Variants in SMYD3 observed in about 807,000 individuals in gnomAD.
SMYD3 encodes histone-lysine N-methyltransferase SMYD3.
SMYD3 carries 36 observed loss-of-function variants against 57.7 expected under a neutral mutation model. That is an observed-to-expected ratio of 0.62 (90% CI 0.48 to 0.82). SMYD3 has a LOEUF of 0.82. Among genes scored for constraint, SMYD3 ranks in the 40% least tolerant of loss-of-function variants. The pLI is 0.00. For missense variants in SMYD3, 515 were observed against 538.8 expected (o/e 0.96, Z 0.44); for synonymous variants, 211 against 195.0 (o/e 1.08, Z -0.68).
intron 5 of SMYD3, among the ~76,000 whole-genome samples, chr1:246,039,147 T>G (rs2059826460): frequency 6.6e-6 from 1 of 152,154 alleles, no homozygotes; most frequent in African/African-American, 2.4e-5. Context: ...CAGCATGGAT[T>G]TGCATCCTAA....
At position 245,951,486 on chromosome 1, in the gene SMYD3, G is replaced by A. The variant is rs369738748; in HGVS notation, c.532-21549C>T. On this transcript the variant is annotated intron_variant, in intron 5 of 11. Transcript: ENST00000490107. ...CGGGAGGCTGAGGCAGGAGAATGGC[G>A]TGAACCCGGGAGGCAGAGCTTGCAG... is the stretch of plus-strand genomic sequence containing the variant. Among the ~76,000 whole-genome samples, 40 of 136,600 alleles carry A rather than the reference G, an allele frequency of 2.9e-4. 3 individuals are homozygous for A. The highest frequency in any genetic ancestry group is 8.7e-4 in the African/African-American group (29 of 33,394). 89.6% of individuals were successfully genotyped at this position (136,600 alleles called of 152,430 possible). A position where few individuals can be genotyped will look rare whatever the true frequency, so the allele number is the denominator to read the frequency against.
At chr1:246,422,575 C>T (rs2067159478) in intron 1 of SMYD3, among the ~76,000 whole-genome samples, 1 of 152,122 alleles carries the variant, frequency 6.6e-6, no homozygotes, top group Non-Finnish European at 1.5e-5. Flanking sequence ...CCAGAGCCCA[C>T]CACGCCCAGC....
intron 5 of SMYD3, among the ~76,000 whole-genome samples, chr1:246,257,028 T>C (rs557150572): frequency 6.6e-5 from 10 of 152,326 alleles, no homozygotes; most frequent in Admixed American, 5.9e-4. Flanking sequence ...TAGAATATGG[T>C]TGCTATGATT....
At chr1:246,443,674 G>T (rs2067504256) in intron 1 of SMYD3, among the ~76,000 whole-genome samples, 2 of 152,150 alleles carry the variant, frequency 1.3e-5, no homozygotes, top group African/African-American at 4.8e-5. Flanking sequence ...TTTCCTAAAA[G>T]AATTTTGAAA....
At chr1:246,424,832 C>G (rs965401919) in intron 1 of SMYD3, among the ~76,000 whole-genome samples, 1 of 152,060 alleles carries the variant, frequency 6.6e-6, no homozygotes, top group Non-Finnish European at 1.5e-5. Flanking sequence ...GTTCATGGAA[C>G]CATTATGTTT....
intron 10 of SMYD3, among the ~76,000 whole-genome samples, chr1:245,818,566 G>A (rs942394324): frequency 1.3e-5 from 2 of 151,938 alleles, no homozygotes; most frequent in African/African-American, 4.8e-5. Context: ...AACGTAAATG[G>A]ACTAAATGCT....
At chr1:246,128,538 C>A (rs1167992670) in intron 5 of SMYD3, among the ~76,000 whole-genome samples, 1 of 152,076 alleles carries the variant, frequency 6.6e-6, no homozygotes, top group Non-Finnish European at 1.5e-5. Flanking sequence ...ATTATAAAAG[C>A]CTGCAAGGTA....
chr1:246,404,997 G>A lies in SMYD3; in HGVS notation c.165-49903C>T, dbSNP rs151159492. Among the ~76,000 whole-genome samples, 308 of 152,174 alleles carry A rather than the reference G, an allele frequency of 2.0e-3. 1 individual carries two copies. The highest frequency in any genetic ancestry group is 7.1e-3 in the African/African-American group (293 of 41,512). ...GACGGGATCTTACTTTGTCACTCAG[G>A]CTGAAGTGCAATAGTGCAATCACGG... On this transcript the variant is annotated intron_variant, in intron 1 of 11. Transcript: ENST00000490107.
At chr1:246,126,889 CTA>C (rs1264292192) in intron 5 of SMYD3, among the ~76,000 whole-genome samples, 3 of 152,110 alleles carry the variant, frequency 2.0e-5, no homozygotes, top group Admixed American at 6.6e-5. Context: ...AATTGTAACA[CTA>C]TTTTAATACT....
intron 5 of SMYD3, among the ~76,000 whole-genome samples, chr1:246,252,254 G>A (rs1466482187): frequency 6.7e-6 from 1 of 150,038 alleles, no homozygotes; most frequent in African/African-American, 2.5e-5. Context: ...TAGGTGCCTC[G>A]GACACTGTGC....
intron 5 of SMYD3, among the ~76,000 whole-genome samples, chr1:246,125,039 T>C (rs1238595515): frequency 1.5e-5 from 2 of 130,448 alleles, no homozygotes; most frequent in Non-Finnish European, 3.1e-5. Flanking sequence ...GCCACTGCAC[T>C]CCAGCCTGGG....
At chr1:246,190,998 C>T (rs1035263836) in intron 5 of SMYD3, among the ~76,000 whole-genome samples, 6 of 152,178 alleles carry the variant, frequency 3.9e-5, no homozygotes, top group African/African-American at 9.7e-5. Context: ...TGGCTGACAC[C>T]GGGTTCAAGA....
In SMYD3 at chr1:245,764,057, A is replaced by G; in HGVS notation, c.1169T>C (p.Met390Thr). 6.2e-7 allele frequency: 1 copy of G among 1,613,706 alleles called. No individual in the cohort carries two copies. The highest frequency in any genetic ancestry group is 1.7e-5 in the Admixed American group (1 of 60,026). Residue 390 changes from methionine to threonine, a missense_variant, in exon 11 of 12, where the codon ATG (methionine) becomes ACG (threonine). Coordinates refer to ENST00000490107, the MANE Select transcript of SMYD3 (RefSeq NM_001167740.2). ...QLHQGMFPQA[M>T]KNLRLAFDIM... ...CACACTCACCAGTCTCAGATTCTTC[A>G]TTGCTTGGGGAAACATGCCTTGATG...
At chr1:246,194,213 G>T (rs1221387356) in intron 5 of SMYD3, among the ~76,000 whole-genome samples, 1 of 137,762 alleles carries the variant, frequency 7.3e-6, no homozygotes, top group Non-Finnish European at 1.6e-5. Context: ...ACTTCCTAAG[G>T]GGAAAAGTAA....
intron 10 of SMYD3, among the ~76,000 whole-genome samples, chr1:245,833,435 G>A (rs7521120): frequency 0.9 from 136,681 of 152,248 alleles, 61,761 homozygotes; most frequent in Non-Finnish European, 0.95. Flanking sequence ...CTGGCCAAAT[G>A]TACTGTACAA....
At chr1:245,848,949 A>C (rs950997192) in intron 10 of SMYD3, among the ~76,000 whole-genome samples, 3 of 147,756 alleles carry the variant, frequency 2.0e-5, no homozygotes, top group Non-Finnish European at 4.5e-5. Flanking sequence ...AGACAGAAAA[A>C]CAAATGGATT....
chr1:246,260,876 G>T (rs879393738), intron 5 of SMYD3, among the ~76,000 whole-genome samples: 2 of 152,162 alleles, frequency 1.3e-5, no homozygotes, highest in African/African-American at 2.4e-5. Context: ...GTAAATCTTT[G>T]TTGAGAGAGA....
At chr1:246,041,740 G>C (rs147775062) in intron 5 of SMYD3, among the ~76,000 whole-genome samples, 44 of 152,142 alleles carry the variant, frequency 2.9e-4, no homozygotes, top group African/African-American at 1.0e-3. Flanking sequence ...GAGAATTGGA[G>C]GGGGTATAAC....
intron 5 of SMYD3, among the ~76,000 whole-genome samples, chr1:246,239,984 A>C (rs1476094941): frequency 6.6e-6 from 1 of 152,078 alleles, no homozygotes; most frequent in Non-Finnish European, 1.5e-5. Context: ...TAGTTTCTGG[A>C]TATCAGCCCT....
Sources: gnomAD v4.1 joint callset for allele counts (sites outside exome capture counted in the v4.1 genomes callset) on GRCh38, gnomAD v4.1.1 for gene constraint, MANE v1.5 for transcripts, NCBI Gene and HGNC (gene_info 2026-07-23, HGNC 2026-07-21) for gene names.